CLSTN2: variants seen among roughly 807,000 people sequenced by gnomAD.
CLSTN2 encodes the protein calsyntenin 2.
In CLSTN2, 48 loss-of-function variants were observed where a neutral mutation model predicts 101.2. That is an observed-to-expected ratio of 0.47 (90% confidence interval 0.38 to 0.60). The LOEUF (loss-of-function observed/expected upper bound fraction) is 0.60. CLSTN2 is among the 20% of genes least tolerant of loss of function. The probability of loss-of-function intolerance (pLI) is 0.00; values close to 1 mark genes in which losing one functional copy is unlikely to be tolerated. For synonymous variants in CLSTN2, 481 were observed against 463.6 expected (o/e 1.04, Z -0.48); for missense variants, 1,160 against 1,238.2 (o/e 0.94, Z 0.95).
chr3:140,282,131 G>A (rs371715313), intron 2 of CLSTN2, among the ~76,000 whole-genome samples: 3 of 152,076 alleles, frequency 2.0e-5, no homozygotes, highest in Admixed American at 6.6e-5. Context: ...CTTACACTAT[G>A]TCTCTGCTTA....
intron 8 of CLSTN2, among the ~76,000 whole-genome samples, chr3:140,482,328 T>C (rs951304045): frequency 6.6e-6 from 1 of 152,250 alleles, no homozygotes; most frequent in Non-Finnish European, 1.5e-5. Context: ...AGCTTTTTGA[T>C]GTGCTGCTGG....
In CLSTN2 at chr3:140,230,039, C is replaced by G. The variant is rs77061297; in HGVS notation, c.232+53966C>G. ...TCTGTCTTCTCTAGTAGCCTGTGAG[C>G]TGCTTGAGGTATCTTTCTGATTCAT... is the stretch of plus-strand genomic sequence containing the variant. On this transcript the variant is annotated intron_variant, in intron 2 of 16. Transcript: ENST00000458420. 3.3e-3 allele frequency among the ~76,000 whole-genome samples: 499 copies of G among 152,162 alleles called. 19 individuals are homozygous for G. The East Asian group carries it at 0.093, about 28-fold the overall frequency.
At chr3:140,355,741 G>A (rs2087664246) in intron 2 of CLSTN2, among the ~76,000 whole-genome samples, 2 of 152,210 alleles carry the variant, frequency 1.3e-5, no homozygotes, top group South Asian at 2.1e-4. Context: ...GGGATGCCAT[G>A]GCTGTATCAG....
intron 2 of CLSTN2, among the ~76,000 whole-genome samples, chr3:140,201,109 C>A (rs1233255215): frequency 3.3e-5 from 5 of 152,192 alleles, no homozygotes; most frequent in African/African-American, 1.2e-4. Flanking sequence ...GTGACAGAGG[C>A]CCTGCCTTCA....
intron 2 of CLSTN2, among the ~76,000 whole-genome samples, chr3:140,178,441 G>T (rs1002298109): frequency 2.0e-5 from 3 of 152,190 alleles, no homozygotes; most frequent in Non-Finnish European, 4.4e-5. Context: ...CAACTGTTCA[G>T]ACACTTCTTG....
chr3:140,159,632 G>A (rs189080346), intron 1 of CLSTN2, among the ~76,000 whole-genome samples: 1 of 152,066 alleles, frequency 6.6e-6, no homozygotes, highest in East Asian at 1.9e-4. Context: ...TTAAAACAGA[G>A]GTACCATTCG....
chr3:140,473,947 G>T (rs112381110), intron 8 of CLSTN2, among the ~76,000 whole-genome samples: 10,859 of 151,558 alleles, frequency 0.072, 754 homozygotes, highest in African/African-American at 0.19. Flanking sequence ...TGTTTGTTTG[G>T]TTTTTTTTAG....
intron 2 of CLSTN2, among the ~76,000 whole-genome samples, chr3:140,212,803 G>A (rs1051167344): frequency 2.6e-5 from 4 of 152,100 alleles, no homozygotes; most frequent in African/African-American, 9.7e-5. Context: ...CCCACCATAA[G>A]ACCCACCAGG....
At chr3:140,547,272 G>A (rs925245510) in intron 10 of CLSTN2, among the ~76,000 whole-genome samples, 8 of 149,002 alleles carry the variant, frequency 5.4e-5, no homozygotes, top group East Asian at 3.9e-4. Context: ...TCAGTAGTTC[G>A]AGACCAGCCT....
At chr3:140,074,721 G>A (rs2008456852) in intron 1 of CLSTN2, among the ~76,000 whole-genome samples, 2 of 152,188 alleles carry the variant, frequency 1.3e-5, no homozygotes, top group South Asian at 4.1e-4. Context: ...GAGATGGGAT[G>A]CAAATTCAGT....
At chr3:140,031,550 A>G (rs1174457389) in intron 1 of CLSTN2, among the ~76,000 whole-genome samples, 1 of 152,260 alleles carries the variant, frequency 6.6e-6, no homozygotes, top group Non-Finnish European at 1.5e-5. Context: ...GGAACTAAAT[A>G]GGTTCAGATA....
In CLSTN2 at chr3:140,570,967, G is replaced by A. The variant is rs1274452492; in HGVS notation, c.*4714G>A. The stretch of plus-strand genomic sequence containing the variant: ...AAGCTGTTTTAAAAGTCCATGTTCC[G>A]GGGGAAAACAAAAAAGAAACAAACA... On this transcript the variant is annotated 3_prime_UTR_variant, in exon 17 of 17. Coordinates refer to ENST00000458420, the MANE Select transcript of CLSTN2 (RefSeq NM_022131.3). The A allele has an allele frequency of 2.0e-5, 3 of 152,196 alleles. No homozygotes were observed. Among genetic ancestry groups the A allele is most frequent in the African/African-American group, 2.4e-5 (1 of 41,460 alleles). The allele number at this position is 152,196 out of a possible 1,614,324, so 9.4% of individuals were successfully genotyped here.
chr3:140,338,568 C>A (rs2087463791), intron 2 of CLSTN2, among the ~76,000 whole-genome samples: 1 of 152,152 alleles, frequency 6.6e-6, no homozygotes. Context: ...GTCCAGTCCC[C>A]CCCCGGCCTC....
chr3:140,533,800 G>A (rs1353295258), intron 9 of CLSTN2, among the ~76,000 whole-genome samples: 1 of 151,904 alleles, frequency 6.6e-6, no homozygotes, highest in African/African-American at 2.4e-5. Context: ...CTGTAGGTTG[G>A]ACAAAGTGAG....
intron 2 of CLSTN2, among the ~76,000 whole-genome samples, chr3:140,377,385 A>G (rs2087928434): frequency 6.6e-6 from 1 of 152,232 alleles, no homozygotes; most frequent in Non-Finnish European, 1.5e-5. Flanking sequence ...ACTGTAAAAC[A>G]GCATCAGACA....
At chr3:140,036,521 C>G (rs904316484) in intron 1 of CLSTN2, among the ~76,000 whole-genome samples, 8 of 151,746 alleles carry the variant, frequency 5.3e-5, no homozygotes, top group African/African-American at 1.9e-4. Context: ...GGGGCATGGT[C>G]TCAAAATACA....
chr3:140,079,677 G>C lies in CLSTN2; in HGVS notation c.110-96274G>C, dbSNP rs2008553062. On this transcript the variant is annotated intron_variant, in intron 1 of 16. Transcript: ENST00000458420. ...GAAGCAGGAGAATCGCTTGAACCCG[G>C]GAGGCAGAGGTTGCAGTGAGCCGAG... Among the ~76,000 whole-genome samples, 3 of 151,354 alleles carry C rather than the reference G, an allele frequency of 2.0e-5. No individual in the cohort carries two copies. In the South Asian group the frequency reaches 6.3e-4, roughly 32 times the overall value.
intron 9 of CLSTN2, among the ~76,000 whole-genome samples, 199 bp downstream of exon 9, chr3:140,532,685 GA>G (rs1170699813): frequency 6.6e-6 from 1 of 152,170 alleles, no homozygotes; most frequent in Non-Finnish European, 1.5e-5. Flanking sequence ...CTTAAGGCCA[GA>G]TTTTGATTTT....
In CLSTN2 at chr3:140,570,935, TTTAA is replaced by T. The variant is rs1415702136; in HGVS notation, c.*4687_*4690del. ...AACAACAGGAAAAAGTGCCATAGTT[TTTAA>T]TTAAGCTGTTTTAAAAGTCCATGTT... is the stretch of plus-strand genomic sequence containing the variant. On this transcript the variant is annotated 3_prime_UTR_variant, in exon 17 of 17. Transcript: ENST00000458420. The T allele has an allele frequency of 6.6e-6, 1 of 152,222 alleles. No homozygotes were observed. Among genetic ancestry groups the T allele is most frequent in the African/African-American group, 2.4e-5 (1 of 41,450 alleles). 9.4% of individuals were successfully genotyped at this position (152,222 alleles called of 1,614,324 possible).
Sources: gnomAD v4.1 joint callset for allele counts (sites outside exome capture counted in the v4.1 genomes callset) on GRCh38, gnomAD v4.1.1 for gene constraint, MANE v1.5 for transcripts, NCBI Gene and HGNC (gene_info 2026-07-23, HGNC 2026-07-21) for gene names.